The following INSL6 variants were observed in gnomAD, a reference collection of about 807,000 sequenced individuals.
INSL6 encodes the protein insulin-like peptide INSL6.
INSL6 carries 16 observed loss-of-function variants against 9.4 expected under a neutral mutation model. The ratio of observed to expected loss-of-function variants is 1.70; its 90% CI spans 1.15 to 2.59. INSL6 has a LOEUF of 2.59. INSL6 is among the 30% of genes most tolerant of loss of function. The pLI is 0.00. For synonymous variants in INSL6, 154 were observed against 96.9 expected (o/e 1.59, Z -3.46); for missense variants, 391 against 257.3 (o/e 1.52, Z -3.56).
chr9:4,994,392 G>T, the INSL6 span, among the ~76,000 whole-genome samples: 1 of 152,112 alleles, frequency 6.6e-6, no homozygotes, highest in Non-Finnish European at 1.5e-5. Flanking sequence ...TTGCCGCTGG[G>T]CCCCACCCCC....
At chr9:5,127,114 T>C (rs1824049279) in intron 3 of INSL6, 1 of 268,324 alleles carries the variant, frequency 3.7e-6, no homozygotes, top group Non-Finnish European at 7.1e-6. Context: ...GAAAAAATTA[T>C]TATGTAAATT....
the INSL6 span, among the ~76,000 whole-genome samples, chr9:4,997,865 A>C: frequency 6.6e-6 from 1 of 152,112 alleles, no homozygotes; most frequent in Non-Finnish European, 1.5e-5. Context: ...GAATTGTTTC[A>C]TTTCCATGTT....
chr9:5,105,645 C>T, the INSL6 span, among the ~76,000 whole-genome samples: 24,413 of 152,122 alleles, frequency 0.16, 2,263 homozygotes, highest in Middle Eastern at 0.22. Flanking sequence ...GGAGGCATCA[C>T]ACTACGTAAC....
chr9:5,031,125 T>G, the INSL6 span, among the ~76,000 whole-genome samples: 1 of 152,160 alleles, frequency 6.6e-6, no homozygotes, highest in Non-Finnish European at 1.5e-5. Flanking sequence ...GATGGAATAT[T>G]ACAAAGATCA....
chr9:5,050,975 G>A, the INSL6 span: 1 of 764,592 alleles, frequency 1.3e-6, no homozygotes. Flanking sequence ...AATCAGAAAT[G>A]CTTCAGATTT....
chr9:5,138,968 A>G lies in INSL6; in HGVS notation c.377-5376T>C, dbSNP rs143907201. 4.6e-3 allele frequency among the ~76,000 whole-genome samples: 706 copies of G among 152,272 alleles called. 9 individuals carry two copies. Among genetic ancestry groups the G allele is most frequent in the African/African-American group, 0.016 (672 of 41,570 alleles). Reference sequence around the variant, plus strand: ...AGATTTTAACAATATGCACCATGTTAAAAAACATTTCTTGGTTGTTCAAGG... The same window carrying G: ...AGATTTTAACAATATGCACCATGTTGAAAAACATTTCTTGGTTGTTCAAGG... On this transcript the variant is annotated intron_variant, in intron 2 of 3. Transcript: ENST00000649639.
In INSL6 at chr9:5,163,940, TC is replaced by T. The variant is rs777738291; in HGVS notation, c.614del (p.Arg205AsnfsTer5). 6.2e-7 allele frequency: 1 copy of T among 1,605,218 alleles called. No homozygotes were observed. The highest frequency in any genetic ancestry group is 8.5e-7 in the Non-Finnish European group (1 of 1,177,370). On this transcript the variant is annotated frameshift_variant, in exon 2 of 2. Coordinates refer to ENST00000381641, the MANE Select transcript of INSL6 (RefSeq NM_007179.3). LOFTEE classifies it high-confidence loss of function. ...AGTATATCTTAGTTACAAGTGATGA[TC>T]TTTTTTCCTTTAGCCTTTTAAAATC... ...YIDFKRLKEK[R>X]SSLVTKIY
At chr9:5,052,558 C>G in the INSL6 span, among the ~76,000 whole-genome samples, 2 of 152,020 alleles carry the variant, frequency 1.3e-5, no homozygotes, top group African/African-American at 4.8e-5. Context: ...ATTATATTCA[C>G]AGGGTTGTAT....
chr9:5,015,929 A>C, the INSL6 span, among the ~76,000 whole-genome samples: 1 of 152,238 alleles, frequency 6.6e-6, no homozygotes, highest in African/African-American at 2.4e-5. Context: ...AAAATAGATC[A>C]AGCTGTACAT....
chr9:5,080,216 T>C, the INSL6 span: 1 of 1,598,044 alleles, frequency 6.3e-7, no homozygotes. Flanking sequence ...ACTCTGTTCG[T>C]ATCATTTAAA....
At chr9:5,130,721 T>TTTTTTTATG (rs1425401198) in intron 3 of INSL6, among the ~76,000 whole-genome samples, 1 of 150,998 alleles carries the variant, frequency 6.6e-6, no homozygotes, top group Non-Finnish European at 1.5e-5. Flanking sequence ...TTTTTTTTAT[T>TTTTTTTATG]TTTTATTTTT....
the INSL6 span, among the ~76,000 whole-genome samples, chr9:5,014,837 G>A: frequency 1.3e-5 from 2 of 152,006 alleles, no homozygotes; most frequent in Admixed American, 1.3e-4. Context: ...ACCTACATAT[G>A]TGTTTCTCCC....
chr9:5,171,630 A>G (rs944218940), intron 1 of INSL6, among the ~76,000 whole-genome samples: 3 of 152,258 alleles, frequency 2.0e-5, no homozygotes, highest in Admixed American at 6.5e-5. Context: ...GCTGATAAGC[A>G]AATTCAGCAA....
chr9:5,126,670 T>C, intron 3 of INSL6: 1 of 1,577,348 alleles, frequency 6.3e-7, no homozygotes, highest in Non-Finnish European at 8.6e-7. Context: ...TTTGGTTTAT[T>C]TTCTCCTTTA....
downstream of INSL6, among the ~76,000 whole-genome samples, chr9:5,160,295 A>C (rs1274401005): frequency 6.6e-6 from 1 of 152,130 alleles, no homozygotes; most frequent in Non-Finnish European, 1.5e-5. Context: ...AAACAAAAGG[A>C]ATTTTGGAAA....
the INSL6 span, among the ~76,000 whole-genome samples, chr9:5,101,456 C>T: frequency 1.3e-5 from 2 of 152,232 alleles, no homozygotes; most frequent in East Asian, 3.9e-4. Context: ...GGGGGCAGGG[C>T]ATAGCTGAAA....
chr9:5,129,455 T>C (rs1824204178), intron 3 of INSL6, among the ~76,000 whole-genome samples: 1 of 152,146 alleles, frequency 6.6e-6, no homozygotes, highest in African/African-American at 2.4e-5. Flanking sequence ...ATCCTAATTC[T>C]TGTACTGAAA....
chr9:5,115,352 C>G, the INSL6 span, among the ~76,000 whole-genome samples: 2 of 152,094 alleles, frequency 1.3e-5, no homozygotes, highest in African/African-American at 2.4e-5. Context: ...AAATCAAAAC[C>G]AGAGTGAGGT....
chr9:4,991,999 T>C, the INSL6 span, among the ~76,000 whole-genome samples: 1 of 152,190 alleles, frequency 6.6e-6, no homozygotes, highest in Admixed American at 6.6e-5. Context: ...ACAACTACTT[T>C]ATTAGGCTCA....
Sources: allele counts gnomAD v4.1 joint callset (sites outside exome capture counted in the v4.1 genomes callset), GRCh38; gene constraint gnomAD v4.1.1; transcripts MANE v1.5; gene names NCBI Gene and HGNC (gene_info 2026-07-23, HGNC 2026-07-21).